C1QTNF7: variants seen among roughly 807,000 people sequenced by gnomAD.
C1QTNF7 encodes the protein C1q and TNF related 7.
C1QTNF7 carries 15 observed loss-of-function variants against 19.6 expected under a neutral mutation model. The observed-to-expected ratio is 0.76, with a 90% CI of 0.51 to 1.18. The LOEUF is 1.18. Among genes scored for constraint, C1QTNF7 ranks in the 50% most tolerant of loss-of-function variants. C1QTNF7 has a pLI of 0.00. For missense variants in C1QTNF7, 324 were observed against 359.7 expected, an observed-to-expected ratio of 0.90 and a Z score of 0.80; for synonymous variants, 142 against 137.5, an observed-to-expected ratio of 1.03 and a Z score of -0.23.
intron 1 of C1QTNF7, among the ~76,000 whole-genome samples, chr4:15,346,663 G>A (rs1716727079): frequency 6.6e-6 from 1 of 152,146 alleles, no homozygotes; most frequent in African/African-American, 2.4e-5. Context: ...TTTGACCACA[G>A]TGGAATCTTA....
intron 1 of C1QTNF7, among the ~76,000 whole-genome samples, chr4:15,377,928 T>C (rs1329266387): frequency 6.6e-6 from 1 of 152,138 alleles, no homozygotes; most frequent in Non-Finnish European, 1.5e-5. Flanking sequence ...AATCCACAAA[T>C]TTGCACTGAG....
At chr4:15,364,071 T>C (rs1717431536) in intron 1 of C1QTNF7, among the ~76,000 whole-genome samples, 1 of 152,232 alleles carries the variant, frequency 6.6e-6, no homozygotes, top group Non-Finnish European at 1.5e-5. Flanking sequence ...GATCCCACTA[T>C]GGCTACCATT....
chr4:15,431,675 GT>G (rs113288282), intron 1 of C1QTNF7, among the ~76,000 whole-genome samples: 1,726 of 152,004 alleles, frequency 0.011, 22 homozygotes, highest in Middle Eastern at 0.02. Flanking sequence ...TTTCTCACCA[GT>G]TTTTTTCCCC....
chr4:15,439,782 T>G (rs1322040121), intron 2 of C1QTNF7, among the ~76,000 whole-genome samples: 1 of 152,154 alleles, frequency 6.6e-6, no homozygotes, highest in Non-Finnish European at 1.5e-5. Context: ...CAAGCACTAT[T>G]TGTGAAATAG....
In C1QTNF7 at chr4:15,445,737, A is replaced by T. The variant is rs1577289821; in HGVS notation, c.*2938A>T. 6.6e-6 allele frequency: 1 copy of T among 152,234 alleles called. No individual in the cohort carries two copies. The highest frequency in any genetic ancestry group is 1.9e-4 in the East Asian group (1 of 5,206). The allele number at this position is 152,234 out of a possible 1,614,324, so 9.4% of individuals were successfully genotyped here. ...GAAAGTAGCAAAACAGTTTTGGTTT[A>T]AAAAGTTCCAAGTCTCATTGCAATC... On this transcript the variant is annotated 3_prime_UTR_variant, in exon 3 of 3. Transcript: ENST00000444304.
Position 15,373,541 on chromosome 4 carries a change from A to C in C1QTNF7, c.13+33334A>C, listed in dbSNP as rs373465605. On this transcript the variant is annotated intron_variant, in intron 1 of 2. Transcript: ENST00000295297. ...AACCACAACAAAATGAGGTAAGTGC[A>C]ATGGGACAGGGATCACATACCCAGT... 6.6e-5 allele frequency among the ~76,000 whole-genome samples: 10 copies of C among 152,326 alleles called. No individual in the cohort carries two copies. The South Asian group carries it at 2.1e-3, about 32-fold the overall frequency.
At chr4:15,363,374 T>C (rs1717408521) in intron 1 of C1QTNF7, among the ~76,000 whole-genome samples, 1 of 152,182 alleles carries the variant, frequency 6.6e-6, no homozygotes, top group Non-Finnish European at 1.5e-5. Context: ...AGGTTTATTC[T>C]ACCTTTCTGT....
intron 1 of C1QTNF7, among the ~76,000 whole-genome samples, chr4:15,356,045 C>G (rs1398059276): frequency 7.9e-5 from 12 of 151,672 alleles, no homozygotes; most frequent in Admixed American, 2.0e-4. Context: ...CCAAGTTGCC[C>G]AGGCTTGGTA....
At chr4:15,400,350 C>A (rs1182025099) in intron 1 of C1QTNF7, among the ~76,000 whole-genome samples, 1 of 152,158 alleles carries the variant, frequency 6.6e-6, no homozygotes, top group East Asian at 1.9e-4. Flanking sequence ...ATAAATCAGC[C>A]AAGTATGTTC....
chr4:15,425,111 A>G (rs188417014), upstream of C1QTNF7, among the ~76,000 whole-genome samples: 231 of 152,212 alleles, frequency 1.5e-3, 2 homozygotes, highest in African/African-American at 5.2e-3. Context: ...GTATCACTAC[A>G]ACTCCCCGGT....
intron 1 of C1QTNF7, among the ~76,000 whole-genome samples, chr4:15,365,832 A>T (rs897655714): frequency 6.6e-6 from 1 of 151,978 alleles, no homozygotes; most frequent in African/African-American, 2.4e-5. Flanking sequence ...TGCATTCCAT[A>T]CTCACCCTTC....
intron 1 of C1QTNF7, among the ~76,000 whole-genome samples, chr4:15,431,016 C>T (rs59161682): frequency 0.082 from 12,489 of 151,434 alleles, 1,700 homozygotes; most frequent in African/African-American, 0.28. Flanking sequence ...ATTTGCTGCT[C>T]ATGTCATAAG....
chr4:15,349,199 G>A (rs529470565), intron 1 of C1QTNF7, among the ~76,000 whole-genome samples: 2 of 152,180 alleles, frequency 1.3e-5, no homozygotes, highest in Admixed American at 6.5e-5. Flanking sequence ...AAACTGGGGT[G>A]ACAATGATTC....
At chr4:15,428,338 G>A (rs1712147390) in intron 1 of C1QTNF7, among the ~76,000 whole-genome samples, 1 of 152,150 alleles carries the variant, frequency 6.6e-6, no homozygotes, top group African/African-American at 2.4e-5. Context: ...TGGTTTTGGG[G>A]AGGACGATAT....
At chr4:15,431,890 G>T (rs1284029314) in intron 1 of C1QTNF7, among the ~76,000 whole-genome samples, 1 of 152,154 alleles carries the variant, frequency 6.6e-6, no homozygotes, top group Admixed American at 6.5e-5. Context: ...GTACAATAAA[G>T]AATAGAAAAA....
At chr4:15,422,146 T>G (rs150548627) in intron 1 of C1QTNF7, among the ~76,000 whole-genome samples, 57 of 150,358 alleles carry the variant, frequency 3.8e-4, no homozygotes, top group African/African-American at 1.3e-3. Flanking sequence ...ATCACGAAAC[T>G]ATTAATACCA....
At chr4:15,388,165 C>T (rs1396738445) in intron 1 of C1QTNF7, among the ~76,000 whole-genome samples, 1 of 152,048 alleles carries the variant, frequency 6.6e-6, no homozygotes, top group Non-Finnish European at 1.5e-5. Context: ...TGAAAGTAAC[C>T]AGGAGAGAAG....
At position 15,341,890 on chromosome 4, in the gene C1QTNF7, G is replaced by A. The variant is rs1170707985; in HGVS notation, c.13+1683G>A. 3.9e-5 allele frequency among the ~76,000 whole-genome samples: 6 copies of A among 152,222 alleles called. No individual in the cohort carries two copies. In the South Asian group the frequency reaches 1.0e-3, roughly 26 times the overall value. Reference sequence around the variant, plus strand: ...AGAGAAATGCACAGTGTGGCATGACGTGACTGCTGAGAAGCCGGAGCGCGA... The same window carrying A: ...AGAGAAATGCACAGTGTGGCATGACATGACTGCTGAGAAGCCGGAGCGCGA... On this transcript the variant is annotated intron_variant, in intron 1 of 2. Coordinates refer to the C1QTNF7 transcript ENST00000295297.
At chr4:15,398,450 C>A (rs1190691729) in intron 1 of C1QTNF7, among the ~76,000 whole-genome samples, 1 of 151,944 alleles carries the variant, frequency 6.6e-6, no homozygotes, top group Non-Finnish European at 1.5e-5. Context: ...ACTGTACAAG[C>A]CTTGTCCTCC....
Sources: allele counts gnomAD v4.1 joint callset (sites outside exome capture counted in the v4.1 genomes callset), GRCh38; gene constraint gnomAD v4.1.1; transcripts MANE v1.5; gene names NCBI Gene and HGNC (gene_info 2026-07-23, HGNC 2026-07-21).